The following CADM2 variants were observed in gnomAD, a reference collection of about 807,000 sequenced individuals.
CADM2 encodes cell adhesion molecule 2, also known as immunoglobulin superfamily member 4D.
In CADM2, 12 loss-of-function variants were observed where a neutral mutation model predicts 49.8. That is an observed-to-expected ratio of 0.24 (90% CI 0.15 to 0.39). CADM2 has a LOEUF of 0.39. Among genes scored for constraint, CADM2 ranks in the 10% least tolerant of loss-of-function variants. The pLI is 1.00. For missense variants in CADM2, 378 were observed against 492.3 expected, an observed-to-expected ratio of 0.77 and a Z score of 2.20; for synonymous variants, 214 against 175.4, an observed-to-expected ratio of 1.22 and a Z score of -1.74.
intron 1 of CADM2, among the ~76,000 whole-genome samples, chr3:85,624,676 T>C (rs1306504884): frequency 6.6e-6 from 1 of 152,136 alleles, no homozygotes; most frequent in African/African-American, 2.4e-5. Flanking sequence ...AAGCTAGTCT[T>C]TACATTTATT....
intron 1 of CADM2, among the ~76,000 whole-genome samples, chr3:85,093,737 T>G (rs1051269634): frequency 1.3e-5 from 2 of 152,102 alleles, no homozygotes; most frequent in Admixed American, 6.6e-5. Flanking sequence ...ATATCTACAT[T>G]AAGTCCTACA....
chr3:85,500,168 T>C (rs2040056689), intron 1 of CADM2, among the ~76,000 whole-genome samples: 1 of 152,206 alleles, frequency 6.6e-6, no homozygotes, highest in Non-Finnish European at 1.5e-5. Context: ...CAGTTTTTCC[T>C]AACATTCTGT....
At chr3:85,352,402 G>A (rs920569344) in intron 1 of CADM2, among the ~76,000 whole-genome samples, 14 of 152,094 alleles carry the variant, frequency 9.2e-5, no homozygotes, top group African/African-American at 3.4e-4. Context: ...TATATCTTAA[G>A]AAGTTTATAT....
chr3:85,978,185 G>A (rs1410735395), intron 8 of CADM2, among the ~76,000 whole-genome samples: 1 of 151,510 alleles, frequency 6.6e-6, no homozygotes, highest in Non-Finnish European at 1.5e-5. Context: ...ACTCTCTGAG[G>A]ATCTCACTGA....
At chr3:85,569,692 T>A (rs2062418918) in intron 1 of CADM2, among the ~76,000 whole-genome samples, 1 of 136,552 alleles carries the variant, frequency 7.3e-6, no homozygotes, top group African/African-American at 2.5e-5. Flanking sequence ...AGAGGAACCT[T>A]TCTAATGGCA....
At chr3:85,940,788 C>A (rs1721794344) in intron 7 of CADM2, among the ~76,000 whole-genome samples, 1 of 152,020 alleles carries the variant, frequency 6.6e-6, no homozygotes, top group Admixed American at 6.6e-5. Context: ...TATTAGTGGC[C>A]TGAGTAATCC....
chr3:85,807,286 G>A (rs1019543765), intron 3 of CADM2, among the ~76,000 whole-genome samples: 17 of 152,046 alleles, frequency 1.1e-4, no homozygotes, highest in Non-Finnish European at 2.2e-4. Flanking sequence ...ATCACCTGAG[G>A]TCAGGAGTTT....
chr3:85,636,462 A>T (rs952145679), intron 1 of CADM2, among the ~76,000 whole-genome samples: 2 of 152,222 alleles, frequency 1.3e-5, no homozygotes, highest in African/African-American at 4.8e-5. Context: ...CCAAAATTTT[A>T]AAAAATTAGA....
chr3:85,974,734 C>T (rs190793457), intron 8 of CADM2, among the ~76,000 whole-genome samples: 68 of 151,686 alleles, frequency 4.5e-4, no homozygotes, highest in Admixed American at 7.3e-4. Flanking sequence ...TATTGGCAAC[C>T]CAGCGTTCAC....
chr3:85,313,994 G>C (rs565241191), intron 1 of CADM2, among the ~76,000 whole-genome samples: 80 of 152,268 alleles, frequency 5.3e-4, no homozygotes, highest in Non-Finnish European at 1.1e-3. Flanking sequence ...GGGTTCAAGT[G>C]ATTCTCCTGC....
At chr3:85,977,659 T>A (rs1019907949) in intron 8 of CADM2, among the ~76,000 whole-genome samples, 1 of 151,642 alleles carries the variant, frequency 6.6e-6, no homozygotes, top group African/African-American at 2.4e-5. Flanking sequence ...TCTTTGTCCA[T>A]ATACATAATC....
intron 8 of CADM2, among the ~76,000 whole-genome samples, chr3:86,029,972 G>T (rs1479549019): frequency 1.3e-5 from 2 of 151,950 alleles, no homozygotes; most frequent in Non-Finnish European, 2.9e-5. Flanking sequence ...AAGCAGAGGA[G>T]AAACAAACAC....
At chr3:84,968,661 T>A (rs1296808079) in intron 1 of CADM2, among the ~76,000 whole-genome samples, 1 of 152,046 alleles carries the variant, frequency 6.6e-6, no homozygotes, top group Non-Finnish European at 1.5e-5. Flanking sequence ...AGGATTGAAA[T>A]AAAATAATGA....
intron 1 of CADM2, among the ~76,000 whole-genome samples, chr3:85,222,399 G>A (rs1041739165): frequency 6.6e-6 from 1 of 152,074 alleles, no homozygotes; most frequent in Non-Finnish European, 1.5e-5. Context: ...AAAATACCAG[G>A]TGATGCTGGT....
Position 85,916,115 on chromosome 3 carries a change from T to A in CADM2, c.700+3572T>A, listed in dbSNP as rs186420576. 3.9e-5 allele frequency among the ~76,000 whole-genome samples: 6 copies of A among 152,300 alleles called. No individual in the cohort carries two copies. The East Asian group carries it at 1.2e-3, about 29-fold the overall frequency. On this transcript the variant is annotated intron_variant, in intron 6 of 9. Transcript: ENST00000383699. ...GTAAAATATATCAGAGCAATGTTTTTAAAAATAAAATATTAATCATACATT... is the reference window on the plus strand; with the variant it reads ...GTAAAATATATCAGAGCAATGTTTTAAAAAATAAAATATTAATCATACATT...
At chr3:85,409,160 T>C (rs1372638792) in intron 1 of CADM2, among the ~76,000 whole-genome samples, 1 of 152,160 alleles carries the variant, frequency 6.6e-6, no homozygotes, top group Non-Finnish European at 1.5e-5. Context: ...TTCCAGATTT[T>C]CAACTCATTT....
rs559633561 is a variant in CADM2, at chr3:86,068,468, C to T, written c.*1685C>T. The T allele has an allele frequency of 6.6e-5, 10 of 151,894 alleles. No individual in the cohort carries two copies. Among genetic ancestry groups the T allele is most frequent in the South Asian group, 4.1e-4 (2 of 4,824 alleles). The allele number at this position is 151,894 out of a possible 1,614,324, so 9.4% of individuals were successfully genotyped here. On this transcript the variant is annotated 3_prime_UTR_variant, in exon 10 of 10. Coordinates refer to ENST00000383699, the MANE Select transcript of CADM2 (RefSeq NM_001167675.2). The stretch of plus-strand genomic sequence containing the variant: ...TGGTAGCTATACTTGTGATGTCTGA[C>T]GCATGATGGCCTATGGTTTTAAAAA...
chr3:85,959,678 A>T (rs557625229), intron 7 of CADM2, among the ~76,000 whole-genome samples: 90 of 152,008 alleles, frequency 5.9e-4, no homozygotes, highest in Non-Finnish European at 9.4e-4. Flanking sequence ...AACTATTATA[A>T]TACTGTATTT....
At chr3:85,512,747 C>A (rs1490062523) in intron 1 of CADM2, among the ~76,000 whole-genome samples, 1 of 151,590 alleles carries the variant, frequency 6.6e-6, no homozygotes, top group Admixed American at 6.6e-5. Context: ...AAAGAATGAA[C>A]AGTTTGTAAA....
Sources: gnomAD v4.1 joint callset for allele counts (sites outside exome capture counted in the v4.1 genomes callset) on GRCh38, gnomAD v4.1.1 for gene constraint, MANE v1.5 for transcripts, NCBI Gene and HGNC (gene_info 2026-07-23, HGNC 2026-07-21) for gene names.